The following METTL15 variants were observed in gnomAD, a reference collection of about 807,000 sequenced individuals.
The protein encoded by METTL15 is methyltransferase 15, mitochondrial 12S rRNA N4-cytidine.
In METTL15, 34 loss-of-function variants were observed where a neutral mutation model predicts 38.3. The observed-to-expected ratio is 0.89, with a 90% CI of 0.68 to 1.18. The LOEUF (loss-of-function observed/expected upper bound fraction) is 1.18, where lower values mean the gene tolerates loss of function less well. METTL15 is among the 50% of genes most tolerant of loss of function. The pLI is 0.00. For synonymous variants in METTL15, 162 were observed against 170.9 expected (o/e 0.95, Z 0.41); for missense variants, 438 against 498.4 (o/e 0.88, Z 1.15).
intron 4 of METTL15, among the ~76,000 whole-genome samples, chr11:28,353,249 T>A (rs1345705155): frequency 6.6e-6 from 1 of 152,184 alleles, no homozygotes. Context: ...AAGTTGACCC[T>A]AAGTTTTTGA....
chr11:28,352,881 T>C (rs1214838094), intron 4 of METTL15, among the ~76,000 whole-genome samples: 1 of 152,138 alleles, frequency 6.6e-6, no homozygotes, highest in African/African-American at 2.4e-5. Flanking sequence ...AAAATATATA[T>C]TCATAGAACA....
intron 4 of METTL15, among the ~76,000 whole-genome samples, chr11:28,360,659 CTCTT>C: frequency 6.6e-6 from 1 of 152,028 alleles, no homozygotes; most frequent in East Asian, 1.9e-4. Flanking sequence ...GTGTCTCTCT[CTCTT>C]TTTTTTTATT....
At chr11:28,444,687 A>C (rs548278567) in intron 6 of METTL15, among the ~76,000 whole-genome samples, 1 of 152,278 alleles carries the variant, frequency 6.6e-6, no homozygotes, top group East Asian at 1.9e-4. Context: ...GAAATGTTGC[A>C]AAGATTAAGT....
chr11:28,232,833 C>A (rs1853743993), intron 4 of METTL15, among the ~76,000 whole-genome samples: 3 of 151,990 alleles, frequency 2.0e-5, no homozygotes, highest in Non-Finnish European at 4.4e-5. Flanking sequence ...AACAGCTACT[C>A]CCATGTTATA....
intron 5 of METTL15, among the ~76,000 whole-genome samples, chr11:28,423,961 A>G (rs1850843205): frequency 6.6e-6 from 1 of 152,082 alleles, no homozygotes; most frequent in Non-Finnish European, 1.5e-5. Context: ...TATCCCATAT[A>G]CCCCATAAAC....
At chr11:28,113,687 A>G (rs551066705) in intron 3 of METTL15, 83 bp downstream of exon 3, 6 of 1,449,656 alleles carry the variant, frequency 4.1e-6, no homozygotes, top group East Asian at 4.7e-5. Context: ...AAGGTATACA[A>G]TTCAGTGGCC....
chr11:28,336,528 A>G (rs1849902438), downstream of METTL15, among the ~76,000 whole-genome samples: 1 of 152,216 alleles, frequency 6.6e-6, no homozygotes, highest in African/African-American at 2.4e-5. Context: ...TGTGTGTTGC[A>G]GGTCTTAAAG....
intron 4 of METTL15, among the ~76,000 whole-genome samples, chr11:28,355,143 G>C (rs1031932788): frequency 6.6e-6 from 1 of 152,152 alleles, no homozygotes; most frequent in African/African-American, 2.4e-5. Flanking sequence ...CAAAGACAAG[G>C]CTCAATGGCA....
intron 6 of METTL15, among the ~76,000 whole-genome samples, chr11:28,309,423 T>C (rs1407710491): frequency 6.6e-6 from 1 of 152,220 alleles, no homozygotes; most frequent in Non-Finnish European, 1.5e-5. Context: ...ACTTCATCTC[T>C]TACTATTTAG....
chr11:28,439,571 T>C (rs1197492628), intron 6 of METTL15, among the ~76,000 whole-genome samples: 1 of 152,222 alleles, frequency 6.6e-6, no homozygotes, highest in African/African-American at 2.4e-5. Context: ...TATATTTGTC[T>C]TCCCTCATTA....
chr11:28,471,372 G>T (rs1346914334), intron 6 of METTL15, among the ~76,000 whole-genome samples: 1 of 152,156 alleles, frequency 6.6e-6, no homozygotes, highest in Non-Finnish European at 1.5e-5. Flanking sequence ...GTGGTTCATT[G>T]TGGGACATCT....
intron 6 of METTL15, among the ~76,000 whole-genome samples, chr11:28,438,678 T>C (rs192878063): frequency 1.0e-3 from 145 of 144,208 alleles, no homozygotes; most frequent in African/African-American, 3.5e-3. Context: ...TTTTCTTTTT[T>C]TTTTTTTTTT....
intron 5 of METTL15, among the ~76,000 whole-genome samples, chr11:28,376,806 C>T (rs1289915307): frequency 6.7e-6 from 1 of 148,530 alleles, no homozygotes; most frequent in African/African-American, 2.5e-5. Context: ...ACCGGTTGTT[C>T]CTTTCCATGT....
chr11:28,171,574 A>G (rs551497761), intron 3 of METTL15, among the ~76,000 whole-genome samples: 1 of 152,272 alleles, frequency 6.6e-6, no homozygotes, highest in East Asian at 1.9e-4. Context: ...TTTTCTAAAC[A>G]TTTTAGGTGA....
chr11:28,125,213 G>A (rs1345719147), intron 3 of METTL15, among the ~76,000 whole-genome samples: 1 of 152,070 alleles, frequency 6.6e-6, no homozygotes, highest in African/African-American at 2.4e-5. Flanking sequence ...TTAAAGGCAT[G>A]ATTGATAGCA....
intron 3 of METTL15, among the ~76,000 whole-genome samples, chr11:28,203,660 G>A (rs555286753): frequency 6.6e-6 from 1 of 152,088 alleles, no homozygotes; most frequent in East Asian, 1.9e-4. Flanking sequence ...GTAAAAGGAG[G>A]GATTGGAATA....
chr11:28,288,952 T>G (rs997430835), intron 4 of METTL15, among the ~76,000 whole-genome samples: 6 of 152,124 alleles, frequency 3.9e-5, no homozygotes, highest in Non-Finnish European at 8.8e-5. Flanking sequence ...CAGGAGGTAG[T>G]TAAAACAATG....
chr11:28,450,879 G>T (rs1442017079), intron 6 of METTL15, among the ~76,000 whole-genome samples: 1 of 152,140 alleles, frequency 6.6e-6, no homozygotes, highest in Non-Finnish European at 1.5e-5. Flanking sequence ...TACCTATTCA[G>T]TATTTTCATT....
intron 4 of METTL15, among the ~76,000 whole-genome samples, chr11:28,255,481 GTGTTTAA>G (rs1365316368): frequency 1.4e-4 from 21 of 152,062 alleles, no homozygotes; most frequent in Admixed American, 9.8e-4. Flanking sequence ...TTCCAGTACT[GTGTTTAA>G]TAACTGTGGT....
Sources: allele counts gnomAD v4.1 joint callset (sites outside exome capture counted in the v4.1 genomes callset), GRCh38; gene constraint gnomAD v4.1.1; transcripts MANE v1.5; gene names NCBI Gene and HGNC (gene_info 2026-07-23, HGNC 2026-07-21).